PPP6R2: variants seen among roughly 807,000 people sequenced by gnomAD.
PPP6R2 encodes protein phosphatase 6 regulatory subunit 2.
Under a neutral mutation model 100.2 loss-of-function variants are expected in PPP6R2, and 62 were observed. The ratio of observed to expected loss-of-function variants is 0.62; its 90% CI spans 0.50 to 0.76. The LOEUF (loss-of-function observed/expected upper bound fraction) is 0.76, where lower values mean the gene tolerates loss of function less well. Among genes scored for constraint, PPP6R2 ranks in the 30% least tolerant of loss-of-function variants. The pLI, the probability that PPP6R2 is intolerant of heterozygous loss-of-function variation, is 0.00. For missense variants in PPP6R2, 1,142 were observed against 1,276.3 expected (o/e 0.89, Z 1.60); for synonymous variants, 525 against 514.7 (o/e 1.02, Z -0.27).
rs2066651548 is a variant in PPP6R2 at position 50,444,658 on chromosome 22, A to G, written c.*411A>G. The G allele has an allele frequency of 4.6e-6, 1 of 218,140 alleles. No individual in the cohort carries two copies. The highest frequency in any genetic ancestry group is 2.4e-5 in the African/African-American group (1 of 42,210). 13.5% of individuals were successfully genotyped at this position (218,140 alleles called of 1,614,324 possible). On this transcript the variant is annotated 3_prime_UTR_variant, in exon 24 of 24. Transcript: ENST00000612753. ...TTGTTTTGTTTTTAAAGAATACAGA[A>G]GGAGCCAAGCTTTTTTGCACTTTGT...
At chr22:50,361,923 G>C (rs2047872744) in intron 1 of PPP6R2, among the ~76,000 whole-genome samples, 2 of 152,310 alleles carry the variant, frequency 1.3e-5, no homozygotes, top group South Asian at 4.1e-4. Context: ...AGTGGTGGCA[G>C]TCATGACTGT....
intron 17 of PPP6R2, 63 bp from the exon 18 acceptor site, chr22:50,438,111 G>A: frequency 6.4e-7 from 1 of 1,567,168 alleles, no homozygotes; most frequent in South Asian, 1.2e-5. Context: ...GAGCTCTATG[G>A]GGAGAGCGGC....
chr22:50,431,912 A>G lies in PPP6R2; in HGVS notation c.1336-353A>G, dbSNP rs543971071. Among the ~76,000 whole-genome samples the G allele has an allele frequency of 9.4e-4, 143 of 152,296 alleles. 1 individual carries two copies. In the Middle Eastern group the frequency reaches 0.01, roughly 11 times the overall value. On this transcript the variant is annotated intron_variant, in intron 11 of 23. Coordinates refer to ENST00000612753, the MANE Select transcript of PPP6R2 (RefSeq NM_001242898.2). The surrounding 1 kb of genome is among the most constrained non-coding windows in gnomAD (Gnocchi z 4.8). Reference sequence around the variant, plus strand: ...GACAGCCCTAGTCGTTCTTCCGGACACAGAGAAAGAGGGCAGGAGAGTGGC... The same window carrying G: ...GACAGCCCTAGTCGTTCTTCCGGACGCAGAGAAAGAGGGCAGGAGAGTGGC...
intron 1 of PPP6R2, among the ~76,000 whole-genome samples, chr22:50,348,239 T>C (rs987513811): frequency 1.1e-4 from 16 of 152,168 alleles, no homozygotes; most frequent in Admixed American, 4.6e-4. Context: ...AGGAGAAACC[T>C]GGCCTGGAGA....
chr22:50,370,695 G>T (rs1028254184), intron 1 of PPP6R2, among the ~76,000 whole-genome samples: 3 of 151,202 alleles, frequency 2.0e-5, no homozygotes, highest in African/African-American at 7.3e-5. Context: ...GTGCAGTGGC[G>T]TGATCTCGGC....
upstream of PPP6R2, among the ~76,000 whole-genome samples, chr22:50,339,837 G>GTGTGGGGTATGTAGT (rs2042350840): frequency 2.6e-5 from 1 of 38,776 alleles, no homozygotes; most frequent in Non-Finnish European, 4.2e-5. Flanking sequence ...TAGTGTGTGT[G>GTGTGGGGTATGTAGT]GTGTGTGGTG....
chr22:50,440,846 G>A lies in PPP6R2; in HGVS notation c.2399G>A (p.Trp800Ter). Reference protein sequence around the residue: ...KAFSPASPCAWNVCVTRKAPL... With the variant: ...KAFSPASPCA ...GTCAGCCCGGCTTCTCCATGTGCCT[G>A]GAACGTGTGTGTCACCAGGAAGGCC... is the stretch of plus-strand genomic sequence containing the variant. The change falls in exon 22 of 24, where the codon TGG becomes TAG. Residue 800 changes from tryptophan (W) to a stop codon, truncating the protein, a stop_gained. Coordinates refer to ENST00000612753, the MANE Select transcript of PPP6R2 (RefSeq NM_001242898.2). LOFTEE classifies it high-confidence loss of function. The A allele has an allele frequency of 6.2e-7, 1 of 1,613,744 alleles. No homozygotes were observed. The highest frequency in any genetic ancestry group is 8.5e-7 in the Non-Finnish European group (1 of 1,180,004).
chr22:50,440,802 AC>A lies in PPP6R2; in HGVS notation c.2375-19del. On this transcript the variant is annotated intron_variant, in intron 21 of 23. Coordinates refer to ENST00000612753, the MANE Select transcript of PPP6R2 (RefSeq NM_001242898.2). ...GACCCCTCCTGCCTCACTGGACAGCACAGGCCTCCTACTTTGCAGTCAGCCC... is the reference window on the plus strand; with the variant it reads ...GACCCCTCCTGCCTCACTGGACAGCAAGGCCTCCTACTTTGCAGTCAGCCC... 2 of 1,612,378 alleles carry A rather than the reference AC, an allele frequency of 1.2e-6. No individual in the cohort carries two copies. Among genetic ancestry groups the A allele is most frequent in the Non-Finnish European group, 1.7e-6 (2 of 1,179,924 alleles).
At chr22:50,443,674 T>C in intron 22 of PPP6R2, 192 bp from the exon 23 acceptor site, 3 of 723,112 alleles carry the variant, frequency 4.1e-6, no homozygotes, top group Non-Finnish European at 2.2e-6. Context: ...GTCCCAGTAC[T>C]TGGAACTTGG....
At chr22:50,368,573 C>A (rs2049263828) in intron 1 of PPP6R2, among the ~76,000 whole-genome samples, 1 of 152,158 alleles carries the variant, frequency 6.6e-6, no homozygotes. Flanking sequence ...TATCTATAAT[C>A]TATTTCTAGT....
chr22:50,405,032 GGTATTTCTTA>G (rs1404622779), intron 3 of PPP6R2, among the ~76,000 whole-genome samples: 1 of 152,212 alleles, frequency 6.6e-6, no homozygotes, highest in Non-Finnish European at 1.5e-5. Flanking sequence ...CACAGGTGTT[GGTATTTCTTA>G]GTCATAACGT....
chr22:50,370,050 T>TTTG (rs34264382), intron 1 of PPP6R2, among the ~76,000 whole-genome samples: 32,030 of 151,434 alleles, frequency 0.21, 4,882 homozygotes, highest in African/African-American at 0.43. Flanking sequence ...CATCCCACCT[T>TTTG]TTTGATTTGT....
At chr22:50,339,669 AGT>A (rs1289841483), upstream of PPP6R2, among the ~76,000 whole-genome samples, 1 of 47,474 alleles carries the variant, frequency 2.1e-5, no homozygotes, top group Non-Finnish European at 4.1e-5. Flanking sequence ...GTATGTTTCG[AGT>A]GTGTGTTGTG....
intron 3 of PPP6R2, among the ~76,000 whole-genome samples, chr22:50,402,029 C>A (rs2058131050): frequency 6.6e-6 from 1 of 152,152 alleles, no homozygotes; most frequent in African/African-American, 2.4e-5. Context: ...AATGTGTCAT[C>A]TCTGAGAACA....
chr22:50,373,039 A>G (rs191975564), intron 2 of PPP6R2, among the ~76,000 whole-genome samples: 115 of 152,136 alleles, frequency 7.6e-4, no homozygotes, highest in African/African-American at 2.7e-3. Flanking sequence ...TTAATGAGGT[A>G]TATGTTCCGT....
rs565102127 is a variant in PPP6R2, at chr22:50,386,852, A to G, written c.-16-7041A>G. On this transcript the variant is annotated intron_variant, in intron 2 of 23. Transcript: ENST00000612753. ...AAAGTTAGGCTGAAGGAGGGTGGCC[A>G]TGTACCCAGCTGACCTCTATTCTGT... Among the ~76,000 whole-genome samples the G allele has an allele frequency of 6.6e-5, 10 of 152,236 alleles. 1 individual carries two copies. In the South Asian group the frequency reaches 1.5e-3, roughly 22 times the overall value.
At chr22:50,379,113 T>C (rs947461317) in intron 2 of PPP6R2, among the ~76,000 whole-genome samples, 3 of 152,132 alleles carry the variant, frequency 2.0e-5, no homozygotes, top group Non-Finnish European at 4.4e-5. Flanking sequence ...TGAGAAATAA[T>C]TTTCTGTTGT....
Position 50,439,868 on chromosome 22 carries a change from C to G in PPP6R2, c.2285+11C>G. On this transcript the variant is annotated intron_variant, in intron 20 of 23. Transcript: ENST00000612753. The stretch of plus-strand genomic sequence containing the variant: ...CCAACCTTTCTGCTGGTAACAAATG[C>G]GCTGGCAGGAGGGGGCTGTGCCAGG... The G allele has an allele frequency of 6.2e-7, 1 of 1,610,414 alleles. No individual in the cohort carries two copies. Among genetic ancestry groups the G allele is most frequent in the Non-Finnish European group, 8.5e-7 (1 of 1,177,622 alleles).
Position 50,402,328 on chromosome 22 carries a change from CTT to C in PPP6R2, c.228-4344_228-4343del, listed in dbSNP as rs566570369. On this transcript the variant is annotated intron_variant, in intron 3 of 23. Transcript: ENST00000612753. ...AAGAGGGCTGGGGGCACCCCAGTTTCTTTTTTTTTTTTTTTTTTACCAAGTTC... is the reference window on the plus strand; with the variant it reads ...AAGAGGGCTGGGGGCACCCCAGTTTCTTTTTTTTTTTTTTTTACCAAGTTC... Among the ~76,000 whole-genome samples, 1,211 of 134,926 alleles carry C rather than the reference CTT, an allele frequency of 9.0e-3. 5 individuals carry two copies. Among genetic ancestry groups the C allele is most frequent in the Non-Finnish European group, 0.012 (760 of 63,504 alleles). 88.5% of individuals were successfully genotyped at this position (134,926 alleles called of 152,430 possible). A position where few individuals can be genotyped will look rare whatever the true frequency, so the allele number is the denominator to read the frequency against.
Sources: gnomAD v4.1 joint callset for allele counts (sites outside exome capture counted in the v4.1 genomes callset) on GRCh38, gnomAD v4.1.1 for gene constraint, Gnocchi (gnomAD v3.1) non-coding constraint, MANE v1.5 for transcripts, NCBI Gene and HGNC (gene_info 2026-07-23, HGNC 2026-07-21) for gene names.